MED13L: variants seen among roughly 807,000 people sequenced by gnomAD.
MED13L encodes mediator complex subunit 13L.
In MED13L, 7 loss-of-function variants were observed where a neutral mutation model predicts 220.9. That is an observed-to-expected ratio of 0.03 (90% CI 0.02 to 0.06). The LOEUF is 0.06. Among genes scored for constraint, MED13L ranks in the 10% least tolerant of loss-of-function variants. The pLI is 1.00. For synonymous variants in MED13L, 1,011 were observed against 1,015.2 expected, an observed-to-expected ratio of 1.00 and a Z score of 0.08; for missense variants, 1,965 against 2,760.5, an observed-to-expected ratio of 0.71 and a Z score of 6.46.
At chr12:116,212,418 T>A (rs1262000904) in intron 2 of MED13L, among the ~76,000 whole-genome samples, 1 of 152,204 alleles carries the variant, frequency 6.6e-6, no homozygotes, top group Non-Finnish European at 1.5e-5. Flanking sequence ...CTCTCTCACA[T>A]GAAATCAATA....
At chr12:115,972,374 C>T (rs1293282593) in intron 25 of MED13L, 138 bp from the exon 26 acceptor site, 18 of 943,494 alleles carry the variant, frequency 1.9e-5, no homozygotes, top group Non-Finnish European at 1.6e-6. Flanking sequence ...ACATATGTTC[C>T]CCTCCTTGCT....
chr12:115,983,319 G>C lies in MED13L; in HGVS notation c.4753C>G (p.Pro1585Ala). ...GCAGAGGCAGACGATGAGACCGGTG[G>C]CACAGAGGAACCAGATGCAGAACTA... ...ASSSASGSSV[P>A]PVSSSASAPG... The change falls in exon 21 of 31, where the codon CCA (proline) becomes GCA (alanine). Residue 1585 changes from proline to alanine, a missense_variant. Coordinates refer to ENST00000281928, the MANE Select transcript of MED13L (RefSeq NM_015335.5). 1 of 1,614,172 alleles carries C rather than the reference G, an allele frequency of 6.2e-7. No homozygotes were observed. The highest frequency in any genetic ancestry group is 8.5e-7 in the Non-Finnish European group (1 of 1,180,008).
At chr12:116,076,352 C>G (rs1870798566) in intron 4 of MED13L, among the ~76,000 whole-genome samples, 1 of 152,038 alleles carries the variant, frequency 6.6e-6, no homozygotes, top group Non-Finnish European at 1.5e-5. Flanking sequence ...GCCTGGACAA[C>G]ATAGTAGGAC....
intron 2 of MED13L, among the ~76,000 whole-genome samples, chr12:116,137,291 T>C (rs1042719676): frequency 6.6e-6 from 1 of 152,218 alleles, no homozygotes; most frequent in South Asian, 2.1e-4. Context: ...GCAGTAGCTA[T>C]CAATTACTCA....
rs56295994 is a variant in MED13L at position 115,976,068 on chromosome 12, T to A, written c.5365-330A>T. 0.22 allele frequency among the ~76,000 whole-genome samples: 33,130 copies of A among 152,016 alleles called. 4,072 individuals carry two copies. The highest frequency in any genetic ancestry group is 0.33 in the Middle Eastern group (96 of 294). ...TGAGATAATGCTACACAACCACCAG[T>A]ATGTCGAAAATAAAAAAAGAGAAAA... is the stretch of plus-strand genomic sequence containing the variant. On this transcript the variant is annotated intron_variant, in intron 23 of 30. Coordinates refer to ENST00000281928, the MANE Select transcript of MED13L (RefSeq NM_015335.5).
At chr12:115,972,351 G>T (rs2137230893) in intron 25 of MED13L, 115 bp from the exon 26 acceptor site, 1 of 1,219,326 alleles carries the variant, frequency 8.2e-7, no homozygotes, top group Non-Finnish European at 1.2e-6. Context: ...GCCCTAAAGG[G>T]AATTATGGCT....
intron 1 of MED13L, among the ~76,000 whole-genome samples, chr12:116,257,151 A>C (rs1440829296): frequency 6.6e-6 from 1 of 152,228 alleles, no homozygotes; most frequent in African/African-American, 2.4e-5. Flanking sequence ...AATTCTTGTG[A>C]AATTTCTGGG....
intron 2 of MED13L, among the ~76,000 whole-genome samples, chr12:116,188,359 A>G (rs1328771707): frequency 6.6e-6 from 1 of 151,370 alleles, no homozygotes; most frequent in African/African-American, 2.4e-5. Flanking sequence ...TCAACAACTT[A>G]CAAAGAATGA....
chr12:116,048,560 AC>A (rs1005944813), intron 4 of MED13L, among the ~76,000 whole-genome samples: 1 of 152,212 alleles, frequency 6.6e-6, no homozygotes, highest in Admixed American at 6.5e-5. Context: ...AACTAGGCAA[AC>A]CAAGAAGTAT....
At chr12:116,081,973 T>A (rs7961250) in intron 4 of MED13L, among the ~76,000 whole-genome samples, 13,990 of 152,298 alleles carry the variant, frequency 0.092, 734 homozygotes, top group East Asian at 0.21. Flanking sequence ...TTAAAAGTGC[T>A]ATTAATGAAG....
chr12:116,170,603 T>G (rs1018474785), intron 2 of MED13L, among the ~76,000 whole-genome samples: 10 of 148,672 alleles, frequency 6.7e-5, no homozygotes, highest in Middle Eastern at 3.4e-3. Context: ...TTTACTTTTT[T>G]TTTTGTTTTT....
At chr12:116,251,534 C>G (rs1190679686) in intron 1 of MED13L, among the ~76,000 whole-genome samples, 1 of 147,776 alleles carries the variant, frequency 6.8e-6, no homozygotes, top group African/African-American at 2.5e-5. Flanking sequence ...CCGAGATGGG[C>G]ATATCACGAG....
intron 1 of MED13L, among the ~76,000 whole-genome samples, chr12:116,268,503 A>G (rs2138581469): frequency 6.6e-6 from 1 of 152,254 alleles, no homozygotes; most frequent in Middle Eastern, 3.4e-3. Context: ...ATTATACTCA[A>G]AAATACTTCC....
chr12:115,992,538 G>A (rs897862238), intron 16 of MED13L, among the ~76,000 whole-genome samples: 1 of 152,024 alleles, frequency 6.6e-6, no homozygotes, highest in East Asian at 1.9e-4. Context: ...CCCTATCTAG[G>A]CTTACATTTT....
At chr12:115,998,294 T>G (rs565504708) in intron 14 of MED13L, among the ~76,000 whole-genome samples, 6 of 152,344 alleles carry the variant, frequency 3.9e-5, no homozygotes, top group African/African-American at 9.6e-5. Context: ...AGCCACAGGT[T>G]TTTAAATCAG....
chr12:116,114,237 T>C (rs1874332799), intron 2 of MED13L, among the ~76,000 whole-genome samples: 1 of 152,200 alleles, frequency 6.6e-6, no homozygotes, highest in African/African-American at 2.4e-5. Flanking sequence ...ACCTTGACCT[T>C]GTCAGAGGAT....
chr12:116,227,214 C>T (rs913140934), intron 2 of MED13L, among the ~76,000 whole-genome samples: 2 of 152,238 alleles, frequency 1.3e-5, no homozygotes, highest in Non-Finnish European at 2.9e-5. Flanking sequence ...CATTCTTTCG[C>T]TATTTATCTC....
rs193198260 is a variant in MED13L, at chr12:116,157,359, T to C, written c.311-45847A>G. Among the ~76,000 whole-genome samples, 193 of 152,296 alleles carry C rather than the reference T, an allele frequency of 1.3e-3. 2 individuals are homozygous for C. The highest frequency in any genetic ancestry group is 5.8e-4 in the East Asian group (3 of 5,172). ...TGTCTGAGGACAGGGACCATGTCTA[T>C]CTTCACAGCTGTATCCCCAGCACCA... On this transcript the variant is annotated intron_variant, in intron 2 of 30. Coordinates refer to ENST00000281928, the MANE Select transcript of MED13L (RefSeq NM_015335.5).
chr12:116,060,045 A>G (rs1176640898), intron 4 of MED13L, among the ~76,000 whole-genome samples: 1 of 152,090 alleles, frequency 6.6e-6, no homozygotes, highest in East Asian at 1.9e-4. Context: ...ACCCTCTAAT[A>G]CTAGAGGTGC....
Sources: gnomAD v4.1 joint callset for allele counts (sites outside exome capture counted in the v4.1 genomes callset) on GRCh38, gnomAD v4.1.1 for gene constraint, MANE v1.5 for transcripts, NCBI Gene and HGNC (gene_info 2026-07-23, HGNC 2026-07-21) for gene names.